The following SPTY2D1 variants were observed in gnomAD, a reference collection of about 807,000 sequenced individuals.
SPTY2D1 encodes the protein SPT2 chromatin protein domain containing 1.
A neutral mutation model predicts 64.0 loss-of-function variants in SPTY2D1; 21 were observed. The ratio of observed to expected loss-of-function variants is 0.33; its 90% CI spans 0.23 to 0.47. SPTY2D1 has a LOEUF of 0.47. Ranked by LOEUF, SPTY2D1 falls within the 20% of genes least tolerant of loss-of-function variation. The pLI, the probability that SPTY2D1 is intolerant of heterozygous loss-of-function variation, is 1.00. For synonymous variants in SPTY2D1, 287 were observed against 286.8 expected, an observed-to-expected ratio of 1.00 and a Z score of -0.01; for missense variants, 724 against 837.2, an observed-to-expected ratio of 0.86 and a Z score of 1.67.
chr11:18,615,059 G>A lies in SPTY2D1; in HGVS notation c.1215C>T (p.Ser405=). 6.2e-7 allele frequency: 1 copy of A among 1,614,146 alleles called. No individual in the cohort carries two copies. The part of the protein sequence containing the change: ...PVPRRQNGSS[S]SGPERSISGS... The stretch of plus-strand genomic sequence containing the variant: ...CACTGATTGATCGCTCAGGTCCTGA[G>A]CTGGAGCTGCCATTCTGGCGCCTAG... The change falls in exon 3 of 6, where the codon AGC becomes AGT. Residue 405 remains serine, a synonymous_variant. Transcript: ENST00000336349.
At chr11:18,625,768 C>G (rs1470945574) in intron 1 of SPTY2D1, among the ~76,000 whole-genome samples, 1 of 140,166 alleles carries the variant, frequency 7.1e-6, no homozygotes, top group Non-Finnish European at 1.6e-5. Flanking sequence ...GGGGGGGGGT[C>G]TCACTTTGTT....
intron 1 of SPTY2D1, among the ~76,000 whole-genome samples, chr11:18,621,340 G>GAAAAGAAAAGAAAAGAAAAT (rs1854394825): frequency 6.8e-6 from 1 of 147,218 alleles, no homozygotes; most frequent in Admixed American, 6.8e-5. Context: ...GAAAAGAAAA[G>GAAAAGAAAAGAAAAGAAAAT]AAAAGAAAAG....
Position 18,615,123 on chromosome 11 carries a change from G to C in SPTY2D1, c.1151C>G (p.Thr384Arg), listed in dbSNP as rs555213520. Residue 384 changes from threonine (T) to arginine (R), a missense_variant, in exon 3 of 6, where the codon ACA (threonine) becomes AGA (arginine). Physicochemically the swap from Thr to Arg is moderately conservative, Grantham distance 71. Around this residue, in one of 3 missense-constraint regions of SPTY2D1, gnomAD observed 426 missense variants for 431.8 expected, o/e 0.99. Coordinates refer to ENST00000336349, the MANE Select transcript of SPTY2D1 (RefSeq NM_194285.3). ...SSSSAPGQPS[T>R]GVARPTVSSG... ...ACTAACTGTGGGTCGAGCAACCCCT[G>C]TGCTGGGCTGCCCAGGGGCTGAGCT... is the stretch of plus-strand genomic sequence containing the variant. 1 of 1,614,212 alleles carries C rather than the reference G, an allele frequency of 6.2e-7. No individual in the cohort carries two copies. Among genetic ancestry groups the C allele is most frequent in the South Asian group, 1.1e-5 (1 of 91,086 alleles).
At chr11:18,619,020 T>G (rs1303991931) in intron 1 of SPTY2D1, among the ~76,000 whole-genome samples, 1 of 152,162 alleles carries the variant, frequency 6.6e-6, no homozygotes, top group Non-Finnish European at 1.5e-5. Context: ...TTTAGACTCT[T>G]TCCATAGTGG....
At position 18,609,683 on chromosome 11, in the gene SPTY2D1, C is replaced by T. The variant is rs992966202; in HGVS notation, c.*178G>A. 3.2e-6 allele frequency: 2 copies of T among 616,090 alleles called. No individual in the cohort carries two copies. Among genetic ancestry groups the T allele is most frequent in the African/African-American group, 3.7e-5 (2 of 54,052 alleles). 38.2% of individuals were successfully genotyped at this position (616,090 alleles called of 1,614,324 possible). On this transcript the variant is annotated 3_prime_UTR_variant, in exon 6 of 6. Transcript: ENST00000336349. ...TATCATCTGCATTACAGATTTCACC[C>T]TGGAAAATATCTGAAAATATTTTAT...
At chr11:18,627,771 C>T (rs1036345256) in intron 1 of SPTY2D1, among the ~76,000 whole-genome samples, 2 of 151,898 alleles carry the variant, frequency 1.3e-5, no homozygotes, top group East Asian at 1.9e-4. Flanking sequence ...CCCAGCTACT[C>T]GGGAGGCTGA....
chr11:18,610,692 CAAT>C (rs1408854130), intron 5 of SPTY2D1, among the ~76,000 whole-genome samples: 8 of 111,794 alleles, frequency 7.2e-5, no homozygotes, highest in Non-Finnish European at 1.2e-4. Context: ...AAAAAAACAA[CAAT>C]ACTATAAACA....
chr11:18,621,352 AAAGAAAAG>A (rs1005196037), intron 1 of SPTY2D1, among the ~76,000 whole-genome samples: 2 of 151,594 alleles, frequency 1.3e-5, no homozygotes, highest in Non-Finnish European at 2.9e-5. Flanking sequence ...AAAGAAAAGA[AAAGAAAAG>A]AAAAGAAAAG....
chr11:18,634,164 G>A lies in SPTY2D1; in HGVS notation c.60+34C>T, dbSNP rs766347878. 1.9e-6 allele frequency: 3 copies of A among 1,612,794 alleles called. No homozygotes were observed. In the Admixed American group the frequency reaches 5.0e-5, roughly 27 times the overall value. On this transcript the variant is annotated intron_variant, in intron 1 of 5. Transcript: ENST00000336349. ...ACACATTCCGAACTTGGAAGACTAG[G>A]GTCCCCTACATTGATGCCCCAGCTG... is the stretch of plus-strand genomic sequence containing the variant.
intron 3 of SPTY2D1, among the ~76,000 whole-genome samples, chr11:18,613,221 T>C (rs1854235561): frequency 6.6e-6 from 1 of 152,246 alleles, no homozygotes; most frequent in African/African-American, 2.4e-5. Context: ...CTCAGAATTA[T>C]ATTGTTCAAA....
chr11:18,623,789 G>A (rs1454211606), intron 1 of SPTY2D1, among the ~76,000 whole-genome samples: 1 of 152,182 alleles, frequency 6.6e-6, no homozygotes, highest in Non-Finnish European at 1.5e-5. Flanking sequence ...CTGGTTCCAT[G>A]GAGAACACTG....
chr11:18,629,340 C>A (rs1289554245), intron 1 of SPTY2D1, among the ~76,000 whole-genome samples: 3 of 151,738 alleles, frequency 2.0e-5, no homozygotes, highest in African/African-American at 4.8e-5. Context: ...CATCTCTTAA[C>A]TAAAAATACA....
At chr11:18,624,361 A>G (rs556071802) in intron 1 of SPTY2D1, among the ~76,000 whole-genome samples, 6 of 152,324 alleles carry the variant, frequency 3.9e-5, no homozygotes, top group African/African-American at 1.4e-4. Flanking sequence ...ATCTGAGTCA[A>G]GGCACCAGGC....
rs1854129551 is a variant in SPTY2D1 at position 18,607,586 on chromosome 11, A to G, written c.*2275T>C. 6.5e-6 allele frequency: 1 copy of G among 152,798 alleles called. No homozygotes were observed. The highest frequency in any genetic ancestry group is 2.4e-5 in the African/African-American group (1 of 41,592). The allele number at this position is 152,798 out of a possible 1,614,324, so 9.5% of individuals were successfully genotyped here. A position where few individuals can be genotyped will look rare whatever the true frequency, so the allele number is the denominator to read the frequency against. ...CATTTAATTTGTAAACCTTAATGAAATAACAGCCTACTCCAGTTTCTTCAA... is the reference window on the plus strand; with the variant it reads ...CATTTAATTTGTAAACCTTAATGAAGTAACAGCCTACTCCAGTTTCTTCAA... On this transcript the variant is annotated 3_prime_UTR_variant, in exon 6 of 6. Coordinates refer to ENST00000336349, the MANE Select transcript of SPTY2D1 (RefSeq NM_194285.3).
At position 18,614,585 on chromosome 11, in the gene SPTY2D1, T is replaced by G. The variant is rs759937458; in HGVS notation, c.1689A>C (p.Leu563=). The change falls in exon 3 of 6, where the codon CTA becomes CTC. Residue 563 remains leucine (L), a synonymous_variant. Coordinates refer to ENST00000336349, the MANE Select transcript of SPTY2D1 (RefSeq NM_194285.3). ...NGQMNGMKPP[L]SGYRAAQGPQ... ...TACCTTGGGCAGCTCTGTAGCCAGA[T>G]AGGGGAGGCTTCATTCCATTCATCT... The G allele has an allele frequency of 1.2e-6, 2 of 1,611,332 alleles. No individual in the cohort carries two copies. The highest frequency in any genetic ancestry group is 1.7e-5 in the Admixed American group (1 of 59,874).
Position 18,607,423 on chromosome 11 carries a change from A to G in SPTY2D1, c.*2438T>C, listed in dbSNP as rs1441150700. ...CACATCATTTGTTAGAGAATGCCAC[A>G]CCCATGATCATGTAACATTATTACA... On this transcript the variant is annotated 3_prime_UTR_variant, in exon 6 of 6. Transcript: ENST00000336349. 1 of 152,638 alleles carries G rather than the reference A, an allele frequency of 6.6e-6. No homozygotes were observed. The highest frequency in any genetic ancestry group is 2.4e-5 in the African/African-American group (1 of 41,456). 9.5% of individuals were successfully genotyped at this position (152,638 alleles called of 1,614,324 possible).
intron 1 of SPTY2D1, among the ~76,000 whole-genome samples, chr11:18,624,993 C>T (rs550633659): frequency 6.6e-5 from 10 of 152,076 alleles, no homozygotes; most frequent in South Asian, 2.1e-4. Flanking sequence ...AGCGAGACTC[C>T]GTCTCAAGAA....
At chr11:18,616,840 A>T (rs1397768092) in intron 2 of SPTY2D1, 35 bp downstream of exon 2, 1 of 1,593,682 alleles carries the variant, frequency 6.3e-7, no homozygotes, top group African/African-American at 1.3e-5. Flanking sequence ...AAGATGGAAT[A>T]CTTTAAAATT....
chr11:18,617,000 A>C lies in SPTY2D1; in HGVS notation c.61-11T>G. 1 of 1,611,602 alleles carries C rather than the reference A, an allele frequency of 6.2e-7. No individual in the cohort carries two copies. Among genetic ancestry groups the C allele is most frequent in the Middle Eastern group, 1.7e-4 (1 of 6,056 alleles). Reference sequence around the variant, plus strand: ...CAAACTATACCTTTTCTAAAAACAAAAACAGTAAAAGTTAGAAGCAATTCA... The same window carrying C: ...CAAACTATACCTTTTCTAAAAACAACAACAGTAAAAGTTAGAAGCAATTCA... On this transcript the variant is annotated splice_polypyrimidine_tract_variant and intron_variant, in intron 1 of 5. Coordinates refer to ENST00000336349, the MANE Select transcript of SPTY2D1 (RefSeq NM_194285.3).
Sources: gnomAD v4.1 joint callset for allele counts (sites outside exome capture counted in the v4.1 genomes callset) on GRCh38, gnomAD v4.1.1 for gene constraint, gnomAD v4.1.1 regional missense constraint, MANE v1.5 for transcripts, NCBI Gene and HGNC (gene_info 2026-07-23, HGNC 2026-07-21) for gene names.